Variants in TSHZ1 observed in about 807,000 individuals in gnomAD.
TSHZ1 encodes the protein teashirt homolog 1.
Under a neutral mutation model 67.1 loss-of-function variants are expected in TSHZ1, and 12 were observed. The ratio of observed to expected loss-of-function variants is 0.18; its 90% CI spans 0.11 to 0.29. The LOEUF is 0.29. Among genes scored for constraint, TSHZ1 ranks in the 10% least tolerant of loss-of-function variants. The pLI is 1.00. For missense variants in TSHZ1, 1,305 were observed against 1,413.9 expected, an observed-to-expected ratio of 0.92 and a Z score of 1.23; for synonymous variants, 632 against 622.4, an observed-to-expected ratio of 1.02 and a Z score of -0.23.
At position 75,210,864 on chromosome 18, in the gene TSHZ1, G is replaced by A. The variant is rs938788850; in HGVS notation, c.-1013G>A. 2 of 146,452 alleles carry A rather than the reference G, an allele frequency of 1.4e-5. No individual in the cohort carries two copies. The highest frequency in any genetic ancestry group is 5.1e-5 in the African/African-American group (2 of 38,902). 9.1% of individuals were successfully genotyped at this position (146,452 alleles called of 1,614,324 possible). A position where few individuals can be genotyped will look rare whatever the true frequency, so the allele number is the denominator to read the frequency against. On this transcript the variant is annotated 5_prime_UTR_variant, in exon 1 of 2. Coordinates refer to ENST00000580243, the MANE Select transcript of TSHZ1 (RefSeq NM_001308210.2). Reference sequence around the variant, plus strand: ...TATTTCACTGAAAAGAGGAGAGAGCGAGAGTGCATCTCCCTCTCTCCCAGG... The same window carrying A: ...TATTTCACTGAAAAGAGGAGAGAGCAAGAGTGCATCTCCCTCTCTCCCAGG...
intron 1 of TSHZ1, among the ~76,000 whole-genome samples, chr18:75,246,898 A>AT (rs1368558558): frequency 9.9e-5 from 15 of 152,134 alleles, no homozygotes; most frequent in African/African-American, 3.6e-4. Context: ...TTTTGTCAAT[A>AT]TTTTTTGCTG....
intron 1 of TSHZ1, among the ~76,000 whole-genome samples, chr18:75,263,304 A>G (rs1261709908): frequency 1.3e-5 from 2 of 152,228 alleles, no homozygotes; most frequent in South Asian, 2.1e-4. Context: ...GTGAAGTGCT[A>G]GGTCTACCTG....
intron 1 of TSHZ1, among the ~76,000 whole-genome samples, chr18:75,222,009 C>G (rs1248203555): frequency 1.3e-5 from 2 of 152,146 alleles, no homozygotes; most frequent in African/African-American, 4.8e-5. Context: ...AATAAATATT[C>G]TAAGTCAGCC....
At chr18:75,256,843 C>T (rs749142873) in intron 1 of TSHZ1, among the ~76,000 whole-genome samples, 3 of 152,132 alleles carry the variant, frequency 2.0e-5, no homozygotes, top group Admixed American at 6.5e-5. Context: ...GTTCCACACC[C>T]GAATACAACC....
chr18:75,262,524 T>C (rs1331413683), intron 1 of TSHZ1, among the ~76,000 whole-genome samples: 1 of 152,250 alleles, frequency 6.6e-6, no homozygotes, highest in Non-Finnish European at 1.5e-5. Flanking sequence ...ATTGGCCTCT[T>C]GGCTAGGACC....
intron 1 of TSHZ1, among the ~76,000 whole-genome samples, chr18:75,250,651 C>G (rs765106217): frequency 3.9e-5 from 6 of 152,194 alleles, no homozygotes; most frequent in African/African-American, 1.4e-4. Context: ...GGCCTTGGCC[C>G]GGGGAAAGCA....
chr18:75,229,392 TATAATG>T (rs1282094453), intron 1 of TSHZ1, among the ~76,000 whole-genome samples: 7 of 152,214 alleles, frequency 4.6e-5, no homozygotes, highest in African/African-American at 1.7e-4. Context: ...TGCTTTCTAG[TATAATG>T]GCCCACACTG....
intron 1 of TSHZ1, among the ~76,000 whole-genome samples, chr18:75,218,312 C>T (rs766230324): frequency 2.6e-5 from 4 of 152,134 alleles, no homozygotes; most frequent in Non-Finnish European, 4.4e-5. Context: ...CAGCTGTCTG[C>T]GTGTGAAAGA....
At chr18:75,240,840 C>T (rs558563422) in intron 1 of TSHZ1, among the ~76,000 whole-genome samples, 3 of 152,338 alleles carry the variant, frequency 2.0e-5, no homozygotes, top group Admixed American at 2.0e-4. Context: ...CACAAACCTA[C>T]TCAATTTTGA....
chr18:75,264,097 G>T (rs944818518), intron 1 of TSHZ1, among the ~76,000 whole-genome samples: 1 of 152,182 alleles, frequency 6.6e-6, no homozygotes, highest in Non-Finnish European at 1.5e-5. Context: ...TTTATAGACT[G>T]GAGATACTGC....
At chr18:75,235,291 T>C (rs17056711) in intron 1 of TSHZ1, among the ~76,000 whole-genome samples, 8,810 of 152,250 alleles carry the variant, frequency 0.058, 466 homozygotes, top group African/African-American at 0.14. Context: ...CTTGCCTTTC[T>C]GGAACCTTCC....
chr18:75,246,669 T>C (rs2023228999), intron 1 of TSHZ1, among the ~76,000 whole-genome samples: 1 of 152,148 alleles, frequency 6.6e-6, no homozygotes, highest in South Asian at 2.1e-4. Context: ...GCTTCAGTTC[T>C]CTGTGTGGGG....
In TSHZ1 at chr18:75,287,846, C is replaced by T. The variant is rs929420776; in HGVS notation, c.2439C>T (p.Thr813=). 1 of 1,614,034 alleles carries T rather than the reference C, an allele frequency of 6.2e-7. No homozygotes were observed. Among genetic ancestry groups the T allele is most frequent in the African/African-American group, 1.3e-5 (1 of 74,946 alleles). The part of the protein sequence containing the change: ...YENSDQPIDL[T]KSKNKPLVSS... ...ACAGCGACCAGCCCATTGACTTAAC[C>T]AAGTCCAAGAACAAGCCGCTGGTGT... Residue 813 remains threonine, a synonymous_variant, in exon 2 of 2, where the codon ACC becomes ACT. Transcript: ENST00000580243. This position sits in a 1 kb window ranked among gnomAD's most constrained non-coding sequence, Gnocchi z 5.0.
At chr18:75,225,455 C>G (rs2022912307) in intron 1 of TSHZ1, among the ~76,000 whole-genome samples, 1 of 152,232 alleles carries the variant, frequency 6.6e-6, no homozygotes, top group Non-Finnish European at 1.5e-5. Flanking sequence ...ACGCCGCTTT[C>G]TTCTGACTGT....
chr18:75,232,537 G>T (rs1212619198), intron 1 of TSHZ1, among the ~76,000 whole-genome samples: 2 of 152,156 alleles, frequency 1.3e-5, no homozygotes, highest in Non-Finnish European at 2.9e-5. Context: ...TATTTATTTA[G>T]TAGGTATTTC....
rs370337586 is a variant in TSHZ1, at chr18:75,286,873, C to G, written c.1466C>G (p.Ser489Cys). The change falls in exon 2 of 2, where the codon TCT becomes TGT. Residue 489 changes from serine to cysteine, a missense_variant. Around this residue, in one of 3 missense-constraint regions of TSHZ1, gnomAD observed 909 missense variants for 961.8 expected, o/e 0.95. Coordinates refer to ENST00000580243, the MANE Select transcript of TSHZ1 (RefSeq NM_001308210.2). The surrounding 1 kb of genome is among the most constrained non-coding windows in gnomAD (Gnocchi z 5.1). ...PASSIKKQPDSPAGSTTSEEK... is the reference protein window; with the variant it reads ...PASSIKKQPDCPAGSTTSEEK... ...TCCAGCATCAAAAAGCAGCCCGACT[C>G]TCCCGCGGGGTCCACGACTTCTGAA... 3.7e-6 allele frequency: 6 copies of G among 1,614,076 alleles called. No homozygotes were observed. The highest frequency in any genetic ancestry group is 5.1e-6 in the Non-Finnish European group (6 of 1,180,052).
Position 75,286,659 on chromosome 18 carries a change from T to G in TSHZ1, c.1252T>G (p.Cys418Gly), listed in dbSNP as rs2023770405. Residue 418 changes from cysteine (C) to glycine (G), a missense_variant, in exon 2 of 2, where the codon TGC becomes GGC. Cys to Gly is a radical substitution (Grantham distance 159, BLOSUM62 -3). Transcript: ENST00000580243. The surrounding 1 kb of genome is among the most constrained non-coding windows in gnomAD (Gnocchi z 5.1). ...FEARKAQILKCMECGSSHDTL... is the reference protein window; with the variant it reads ...FEARKAQILKGMECGSSHDTL... ...GGCCCGCAAGGCGCAGATCCTCAAG[T>G]GCATGGAGTGTGGCAGCTCCCACGA... 1 of 1,614,168 alleles carries G rather than the reference T, an allele frequency of 6.2e-7. No homozygotes were observed. The highest frequency in any genetic ancestry group is 8.5e-7 in the Non-Finnish European group (1 of 1,180,016).
intron 1 of TSHZ1, among the ~76,000 whole-genome samples, chr18:75,272,253 A>T (rs1318745917): frequency 6.6e-6 from 1 of 152,236 alleles, no homozygotes; most frequent in East Asian, 1.9e-4. Context: ...ATCCTGCAGA[A>T]CTGCGCCGGC....
At chr18:75,267,205 G>C (rs2023499592) in intron 1 of TSHZ1, among the ~76,000 whole-genome samples, 1 of 152,154 alleles carries the variant, frequency 6.6e-6, no homozygotes, top group Admixed American at 6.5e-5. Flanking sequence ...TTGCAGCTCT[G>C]CTCATAATCC....
Sources: allele counts gnomAD v4.1 joint callset (sites outside exome capture counted in the v4.1 genomes callset), GRCh38; gene constraint gnomAD v4.1.1; regional missense constraint gnomAD v4.1.1; non-coding constraint Gnocchi (gnomAD v3.1); transcripts MANE v1.5; gene names NCBI Gene and HGNC (gene_info 2026-07-23, HGNC 2026-07-21).